TMEM145: variants seen among roughly 807,000 people sequenced by gnomAD.
TMEM145 encodes transmembrane protein 145.
In TMEM145, 46 loss-of-function variants were observed where a neutral mutation model predicts 68.5. The observed-to-expected ratio is 0.67, with a 90% CI of 0.53 to 0.86. The LOEUF (loss-of-function observed/expected upper bound fraction) is 0.86. TMEM145 is among the 40% of genes least tolerant of loss of function. The probability of loss-of-function intolerance (pLI) is 0.00; values close to 1 mark genes in which losing one functional copy is unlikely to be tolerated. For synonymous variants in TMEM145, 255 were observed against 280.2 expected, an observed-to-expected ratio of 0.91 and a Z score of 0.90; for missense variants, 570 against 645.8, an observed-to-expected ratio of 0.88 and a Z score of 1.27.
rs2038901700 is a variant in TMEM145, at chr19:42,320,538, T to G, written c.1194+101T>G. 1.5e-5 allele frequency: 23 copies of G among 1,536,390 alleles called. 1 individual carries two copies. The South Asian group carries it at 2.6e-4, about 18-fold the overall frequency. On this transcript the variant is annotated intron_variant, in intron 13 of 14. Coordinates refer to ENST00000301204, the MANE Select transcript of TMEM145 (RefSeq NM_173633.3). ...TGCTGGACCTCCTGTTCTGAGGTCT[T>G]GATCCATTTTCCTTTTAGTCATTCT...
intron 14 of TMEM145, chr19:42,324,424 G>A (rs953060767): frequency 2.0e-6 from 2 of 985,358 alleles, no homozygotes; most frequent in Admixed American, 6.1e-5. Flanking sequence ...ACGGCCCGAC[G>A]CCGCCCTACC....
intron 13 of TMEM145, 77 bp from the exon 14 acceptor site, chr19:42,323,506 C>A: frequency 7.0e-7 from 1 of 1,424,738 alleles, no homozygotes. Context: ...GAAAGGGAAT[C>A]CTTCGGACCC....
chr19:42,316,868 A>G lies in TMEM145; in HGVS notation c.807-2A>G. 9 of 1,613,166 alleles carry G rather than the reference A, an allele frequency of 5.6e-6. No homozygotes were observed. Among genetic ancestry groups the G allele is most frequent in the Non-Finnish European group, 7.6e-6 (9 of 1,179,862 alleles). On this transcript the variant is annotated splice_acceptor_variant, in intron 10 of 14. Coordinates refer to ENST00000301204, the MANE Select transcript of TMEM145 (RefSeq NM_173633.3). LOFTEE classifies it high-confidence loss of function. ...CTGTCTCCCCTCATGGCCTGCTGCC[A>G]GGGGCCGCATCAGCCACGCGGGCTC...
intron 8 of TMEM145, 47 bp downstream of exon 8, chr19:42,315,487 TG>T (rs761988273): frequency 6.3e-7 from 1 of 1,597,830 alleles, no homozygotes; most frequent in Non-Finnish European, 8.6e-7. Flanking sequence ...AGAAGGCACT[TG>T]GGGCCAGACA....
At chr19:42,317,071 GCTCT>G (rs1318917324) in intron 11 of TMEM145, 108 bp downstream of exon 11, 3 of 907,990 alleles carry the variant, frequency 3.3e-6, no homozygotes, top group Non-Finnish European at 5.2e-6. Context: ...CTGCTGGCTC[GCTCT>G]CTCTCCCACT....
chr19:42,320,263 G>A (rs2038898378), intron 12 of TMEM145, 54 bp from the exon 13 acceptor site: 1 of 1,607,332 alleles, frequency 6.2e-7, no homozygotes, highest in Admixed American at 1.7e-5. Flanking sequence ...GGGGCTATAG[G>A]GTGGGGTGGA....
In TMEM145 at chr19:42,314,355, C is replaced by A. The variant is rs114241093; in HGVS notation, c.195+9C>A. 2.4e-4 allele frequency: 394 copies of A among 1,614,046 alleles called. 1 individual carries two copies. In the African/African-American group the frequency reaches 4.8e-3, roughly 20 times the overall value. On this transcript the variant is annotated intron_variant, in intron 2 of 14. Coordinates refer to ENST00000301204, the MANE Select transcript of TMEM145 (RefSeq NM_173633.3). ...GTTTCCGCTACCCTGAGGTGAGTCT[C>A]CCCCAACACTCGCCATGCTGAGGCT...
At position 42,314,258 on chromosome 19, in the gene TMEM145, G is replaced by C; in HGVS notation, c.121-14G>C. 1.2e-6 allele frequency: 2 copies of C among 1,613,928 alleles called. No individual in the cohort carries two copies. Among genetic ancestry groups the C allele is most frequent in the Non-Finnish European group, 1.7e-6 (2 of 1,179,946 alleles). Reference sequence around the variant, plus strand: ...AAGGACTCAGCGGAGGGTCAGACTGGGCCCCTTTTTCAGGACTGGGTGTTC... The same window carrying C: ...AAGGACTCAGCGGAGGGTCAGACTGCGCCCCTTTTTCAGGACTGGGTGTTC... On this transcript the variant is annotated splice_polypyrimidine_tract_variant and intron_variant, in intron 1 of 14. Transcript: ENST00000301204.
intron 12 of TMEM145, among the ~76,000 whole-genome samples, chr19:42,319,118 C>CA (rs965913743): frequency 2.6e-5 from 4 of 151,886 alleles, no homozygotes; most frequent in African/African-American, 9.7e-5. Flanking sequence ...ACAAACAAAA[C>CA]AAAAAAACAC....
In TMEM145 at chr19:42,325,039, A is replaced by G. The variant is rs2038959130; in HGVS notation, c.*222A>G. The stretch of plus-strand genomic sequence containing the variant: ...ACATTTTACCCCTTCTTGCCAAAAT[A>G]AAAAAGGATTCGTTTTTATCTATAA... On this transcript the variant is annotated 3_prime_UTR_variant, in exon 15 of 15. Transcript: ENST00000301204. 2 of 634,996 alleles carry G rather than the reference A, an allele frequency of 3.1e-6. No homozygotes were observed. Among genetic ancestry groups the G allele is most frequent in the Non-Finnish European group, 4.6e-6 (2 of 439,468 alleles). 39.3% of individuals were successfully genotyped at this position (634,996 alleles called of 1,614,324 possible). A position where few individuals can be genotyped will look rare whatever the true frequency, so the allele number is the denominator to read the frequency against.
At chr19:42,324,204 GGGGGAC>G (rs2038944533) in intron 14 of TMEM145, 1 of 969,998 alleles carries the variant, frequency 1.0e-6, no homozygotes, top group Non-Finnish European at 1.2e-6. Flanking sequence ...CTCCGGGGGA[GGGGGAC>G]GGGCCTTCGG....
Position 42,320,371 on chromosome 19 carries a change from G to A in TMEM145, c.1128G>A (p.Trp376Ter). 6.2e-7 allele frequency: 1 copy of A among 1,614,144 alleles called. No individual in the cohort carries two copies. Among genetic ancestry groups the A allele is most frequent in the Non-Finnish European group, 8.5e-7 (1 of 1,180,038 alleles). Residue 376 changes from tryptophan (W) to a stop codon, truncating the protein, a stop_gained, in exon 13 of 15, where the codon TGG (tryptophan) becomes TGA (stop). Coordinates refer to ENST00000301204, the MANE Select transcript of TMEM145 (RefSeq NM_173633.3). LOFTEE classifies it high-confidence loss of function. ...TTGCCAATTTCGGCATCCCCAAGTG[G>A]GCCCGGGAGAAGATTGTCAATGGCA... ...ALIANFGIPKWAREKIVNGIQ... is the reference protein window; with the variant it reads ...ALIANFGIPK
intron 13 of TMEM145, among the ~76,000 whole-genome samples, chr19:42,323,098 A>G (rs1337971813): frequency 4.6e-5 from 7 of 152,180 alleles, no homozygotes; most frequent in African/African-American, 1.7e-4. Flanking sequence ...TGCCTCATCG[A>G]GACATTTTAG....
chr19:42,320,607 G>A (rs571197725), intron 13 of TMEM145, among the ~76,000 whole-genome samples, 170 bp downstream of exon 13: 1 of 151,726 alleles, frequency 6.6e-6, no homozygotes, highest in South Asian at 2.1e-4. Context: ...CTCCTCTATT[G>A]TGCTCCTCAG....
rs1257175909 is a variant in TMEM145 at position 42,317,813 on chromosome 19, T to C, written c.1005T>C (p.Leu335=). Residue 335 remains leucine, a synonymous_variant, in exon 12 of 15, where the codon CTT becomes CTC. Coordinates refer to ENST00000301204, the MANE Select transcript of TMEM145 (RefSeq NM_173633.3). ...AAYVWFCYAV[L]VSLRHFPEKQ... is the part of the protein sequence containing the mutation. ...ACGTGTGGTTCTGCTATGCTGTGCT[T>C]GTCTCACTGCGACACTTTCCTGAGA... 1.2e-6 allele frequency: 2 copies of C among 1,614,208 alleles called. No homozygotes were observed. The highest frequency in any genetic ancestry group is 2.2e-5 in the South Asian group (2 of 91,088).
rs912711640 is a variant in TMEM145 at position 42,314,066 on chromosome 19, G to C, written c.121-206G>C. ...GTTTGAATGGAGGGGAGGAAACTTG[G>C]GGGGGCAATGGAGGGAGAAAATCAG... On this transcript the variant is annotated intron_variant, in intron 1 of 14. Transcript: ENST00000301204. Among the ~76,000 whole-genome samples the C allele has an allele frequency of 4.6e-5, 7 of 152,048 alleles. No individual in the cohort carries two copies. In the East Asian group the frequency reaches 7.8e-4, roughly 17 times the overall value.
At chr19:42,321,028 T>C (rs1599987251) in intron 13 of TMEM145, 1 of 399,148 alleles carries the variant, frequency 2.5e-6, no homozygotes. Context: ...TTTCCATTCC[T>C]GACCCTGTGT....
At chr19:42,316,031 A>G (rs940106366) in intron 8 of TMEM145, among the ~76,000 whole-genome samples, 1 of 151,784 alleles carries the variant, frequency 6.6e-6, no homozygotes, top group African/African-American at 2.4e-5. Context: ...CTCTGTCTCA[A>G]AAAACAAAAC....
At position 42,314,262 on chromosome 19, in the gene TMEM145, C is replaced by T. The variant is rs371394093; in HGVS notation, c.121-10C>T. 3.1e-6 allele frequency: 5 copies of T among 1,613,914 alleles called. No individual in the cohort carries two copies. In the South Asian group the frequency reaches 5.5e-5, roughly 18 times the overall value. On this transcript the variant is annotated splice_polypyrimidine_tract_variant and intron_variant, in intron 1 of 14. Transcript: ENST00000301204. ...ACTCAGCGGAGGGTCAGACTGGGCCCCTTTTTCAGGACTGGGTGTTCCTGA... is the reference window on the plus strand; with the variant it reads ...ACTCAGCGGAGGGTCAGACTGGGCCTCTTTTTCAGGACTGGGTGTTCCTGA...
Sources: gnomAD v4.1 joint callset for allele counts (sites outside exome capture counted in the v4.1 genomes callset) on GRCh38, gnomAD v4.1.1 for gene constraint, MANE v1.5 for transcripts, NCBI Gene and HGNC (gene_info 2026-07-23, HGNC 2026-07-21) for gene names.